Variants in JAM2 observed in about 807,000 individuals in gnomAD.
The protein encoded by JAM2 is junctional adhesion molecule B.
In JAM2, 17 loss-of-function variants were observed where a neutral mutation model predicts 42.0. The ratio of observed to expected loss-of-function variants is 0.40; its 90% CI spans 0.28 to 0.61. The LOEUF is 0.61. JAM2 is among the 20% of genes least tolerant of loss of function. JAM2 has a pLI of 0.37. For missense variants in JAM2, 319 were observed against 358.3 expected (o/e 0.89, Z 0.89); for synonymous variants, 118 against 128.6 (o/e 0.92, Z 0.56).
At chr21:25,647,208 A>G (rs1409718664) in intron 1 of JAM2, among the ~76,000 whole-genome samples, 1 of 152,220 alleles carries the variant, frequency 6.6e-6, no homozygotes, top group Non-Finnish European at 1.5e-5. Context: ...AAAATAATAT[A>G]TGCTTAGGGT....
Position 25,656,221 on chromosome 21 carries a change from ATGTT to A in JAM2, c.67+16337_67+16340del, listed in dbSNP as rs563449564. ...TTGATTAAATTCCTAAAAATTTAAA[ATGTT>A]TGTCTTGCATTTGTTTAGTGGAGAC... On this transcript the variant is annotated intron_variant, in intron 1 of 9. Coordinates refer to ENST00000480456, the MANE Select transcript of JAM2 (RefSeq NM_021219.4). 9.2e-5 allele frequency among the ~76,000 whole-genome samples: 14 copies of A among 152,320 alleles called. 1 individual carries two copies. In the South Asian group the frequency reaches 2.7e-3, roughly 29 times the overall value.
In JAM2 at chr21:25,688,243, G is replaced by GGTGTGTGTGTGTGTGT. The variant is rs147927864; in HGVS notation, c.134-1610_134-1595dup. On this transcript the variant is annotated intron_variant, in intron 2 of 9. Transcript: ENST00000480456. ...AAATTAGGAAGAATTCACCAGGAGG[G>GGTGTGTGTGTGTGTGT]GTGTGTGTGTGTGTGTGTGTGTGTG... 7.2e-3 allele frequency among the ~76,000 whole-genome samples: 1,078 copies of GGTGTGTGTGTGTGTGT among 149,802 alleles called. 9 individuals carry two copies. The highest frequency in any genetic ancestry group is 0.052 in the East Asian group (264 of 5,080).
Position 25,639,806 on chromosome 21 carries a change from C to CT in JAM2, c.-15dup. On this transcript the variant is annotated 5_prime_UTR_variant, in exon 1 of 10. Coordinates refer to ENST00000480456, the MANE Select transcript of JAM2 (RefSeq NM_021219.4). ...CCCTCGACCTCCTCAGAGCAGCCGGCTGCCGCCCCGGGAAGATGGCGAGGA... is the reference window on the plus strand; with the variant it reads ...CCCTCGACCTCCTCAGAGCAGCCGGCTTGCCGCCCCGGGAAGATGGCGAGGA... The CT allele has an allele frequency of 1.3e-6, 2 of 1,568,234 alleles. No individual in the cohort carries two copies. Among genetic ancestry groups the CT allele is most frequent in the Non-Finnish European group, 1.7e-6 (2 of 1,159,902 alleles).
intron 6 of JAM2, among the ~76,000 whole-genome samples, chr21:25,703,042 G>C (rs2034199932): frequency 6.6e-6 from 1 of 152,116 alleles, no homozygotes; most frequent in Non-Finnish European, 1.5e-5. Context: ...AGTAGAGACA[G>C]GGTTTCACCG....
rs2034469093 is a variant in JAM2, at chr21:25,715,909, A to G, written c.*1237A>G. On this transcript the variant is annotated 3_prime_UTR_variant, in exon 10 of 10. Coordinates refer to ENST00000480456, the MANE Select transcript of JAM2 (RefSeq NM_021219.4). ...ACAAAATATGGCTAGGGCATGTCCT[A>G]TTCTTCTGGGCAAATGTGGATGAAA... The G allele has an allele frequency of 6.6e-6, 1 of 151,768 alleles. No individual in the cohort carries two copies. Among genetic ancestry groups the G allele is most frequent in the Non-Finnish European group, 1.5e-5 (1 of 67,928 alleles). 9.4% of individuals were successfully genotyped at this position (151,768 alleles called of 1,614,324 possible).
At chr21:25,687,943 T>A (rs75946848) in intron 2 of JAM2, among the ~76,000 whole-genome samples, 3,530 of 152,320 alleles carry the variant, frequency 0.023, 58 homozygotes, top group South Asian at 0.061. Flanking sequence ...AGTAATTCAC[T>A]TTATTATGTT....
rs2033938993 is a variant in JAM2, at chr21:25,693,918, A to G, written c.394+10A>G. On this transcript the variant is annotated intron_variant, in intron 4 of 9. Coordinates refer to ENST00000480456, the MANE Select transcript of JAM2 (RefSeq NM_021219.4). ...ACTCTGGAAGTATTAGGTGATGTGCATGTATGTGTGTGACTACGTCTCCCA... is the reference window on the plus strand; with the variant it reads ...ACTCTGGAAGTATTAGGTGATGTGCGTGTATGTGTGTGACTACGTCTCCCA... The G allele has an allele frequency of 1.9e-6, 3 of 1,613,484 alleles. No individual in the cohort carries two copies. Among genetic ancestry groups the G allele is most frequent in the Non-Finnish European group, 2.5e-6 (3 of 1,179,624 alleles).
At chr21:25,691,581 C>T (rs976631638) in intron 3 of JAM2, among the ~76,000 whole-genome samples, 4 of 152,114 alleles carry the variant, frequency 2.6e-5, no homozygotes, top group Admixed American at 2.6e-4. Context: ...TGTTTTTAAC[C>T]ATCTTTTCTT....
In JAM2 at chr21:25,714,677, T is replaced by C; in HGVS notation, c.*5T>C. On this transcript the variant is annotated 3_prime_UTR_variant, in exon 10 of 10. Transcript: ENST00000480456. The stretch of plus-strand genomic sequence containing the variant: ...ACAAAATCCTTTATAATTTAAAGAC[T>C]CCACTTTAGAGATACACCAAAGCCA... 1 of 1,505,922 alleles carries C rather than the reference T, an allele frequency of 6.6e-7. No individual in the cohort carries two copies. The highest frequency in any genetic ancestry group is 1.7e-4 in the Middle Eastern group (1 of 5,730). The allele number at this position is 1,505,922 out of a possible 1,614,324, so 93.3% of individuals were successfully genotyped here. A position where few individuals can be genotyped will look rare whatever the true frequency, so the allele number is the denominator to read the frequency against.
At chr21:25,676,581 C>T (rs945008190) in intron 1 of JAM2, among the ~76,000 whole-genome samples, 2 of 152,144 alleles carry the variant, frequency 1.3e-5, no homozygotes, top group Non-Finnish European at 2.9e-5. Flanking sequence ...AAATAATCAT[C>T]TCTTCACCTT....
intron 2 of JAM2, among the ~76,000 whole-genome samples, chr21:25,684,310 T>C (rs1271278325): frequency 6.6e-6 from 1 of 152,218 alleles, no homozygotes; most frequent in African/African-American, 2.4e-5. Flanking sequence ...TTTAAGGTGA[T>C]GTTAATATAG....
rs553487813 is a variant in JAM2 at position 25,662,138 on chromosome 21, C to CT, written c.68-21737dup. ...GTCAACATATAGATAAAACTTAATA[C>CT]TTTTTTTTATTTTATTTATATATTT... On this transcript the variant is annotated intron_variant, in intron 1 of 9. Coordinates refer to ENST00000480456, the MANE Select transcript of JAM2 (RefSeq NM_021219.4). 4.8e-3 allele frequency among the ~76,000 whole-genome samples: 729 copies of CT among 152,042 alleles called. 6 individuals carry two copies. The highest frequency in any genetic ancestry group is 0.017 in the African/African-American group (701 of 41,440).
intron 1 of JAM2, 21 bp downstream of exon 1, chr21:25,639,909 T>C: frequency 1.3e-6 from 2 of 1,549,740 alleles, no homozygotes; most frequent in Admixed American, 1.8e-5. Context: ...CGGGTTCCTC[T>C]ACCCTTCCTG....
intron 1 of JAM2, among the ~76,000 whole-genome samples, chr21:25,671,217 G>A (rs2033352379): frequency 1.3e-5 from 2 of 152,130 alleles, no homozygotes; most frequent in African/African-American, 2.4e-5. Context: ...TGGTAAAATC[G>A]AGAAAGCTTA....
At chr21:25,646,884 C>T (rs1369917095) in intron 1 of JAM2, among the ~76,000 whole-genome samples, 1 of 152,104 alleles carries the variant, frequency 6.6e-6, no homozygotes, top group South Asian at 2.1e-4. Flanking sequence ...TTTTCTTTAT[C>T]GCATGTCATC....
At chr21:25,711,774 C>T (rs1188065199) in intron 8 of JAM2, among the ~76,000 whole-genome samples, 1 of 152,146 alleles carries the variant, frequency 6.6e-6, no homozygotes, top group African/African-American at 2.4e-5. Context: ...CATCATCTTA[C>T]GTAAGTGGGA....
intron 5 of JAM2, among the ~76,000 whole-genome samples, chr21:25,699,123 G>A (rs1439186503): frequency 6.6e-6 from 1 of 152,080 alleles, no homozygotes; most frequent in Non-Finnish European, 1.5e-5. Context: ...AAGAGCAAAG[G>A]GGCAAAGGCT....
chr21:25,689,803 G>GTTAA (rs2033835246), intron 2 of JAM2, 63 bp from the exon 3 acceptor site: 3 of 1,041,624 alleles, frequency 2.9e-6, no homozygotes, highest in Non-Finnish European at 4.4e-6. Context: ...TTGTTACCTA[G>GTTAA]TTAAGTAAAA....
chr21:25,672,996 G>A (rs1484589763), intron 1 of JAM2, among the ~76,000 whole-genome samples: 1 of 152,154 alleles, frequency 6.6e-6, no homozygotes, highest in Non-Finnish European at 1.5e-5. Context: ...GATTTGAATT[G>A]ACTGTTGCCG....
Sources: gnomAD v4.1 joint callset for allele counts (sites outside exome capture counted in the v4.1 genomes callset) on GRCh38, gnomAD v4.1.1 for gene constraint, MANE v1.5 for transcripts, NCBI Gene and HGNC (gene_info 2026-07-23, HGNC 2026-07-21) for gene names.